PARP4: variants seen among roughly 807,000 people sequenced by gnomAD.
PARP4 encodes the protein poly(ADP-ribose) polymerase family member 4.
Under a neutral mutation model 187.7 loss-of-function variants are expected in PARP4, and 120 were observed. The ratio of observed to expected loss-of-function variants is 0.64; its 90% CI spans 0.55 to 0.74. PARP4 has a LOEUF of 0.74. PARP4 is among the 30% of genes least tolerant of loss of function. PARP4 has a pLI of 0.00. For synonymous variants in PARP4, 654 were observed against 740.9 expected (o/e 0.88, Z 1.90); for missense variants, 1,836 against 2,070.5 (o/e 0.89, Z 2.20).
intron 20 of PARP4, among the ~76,000 whole-genome samples, chr13:24,456,958 A>G (rs987817023): frequency 6.6e-6 from 1 of 152,160 alleles, no homozygotes; most frequent in African/African-American, 2.4e-5. Context: ...TGTAGGTTTT[A>G]GAAGACCATG....
rs751882755 is a variant in PARP4 at position 24,449,822 on chromosome 13, T to A, written c.3015-5A>T. The A allele has an allele frequency of 2.0e-5, 31 of 1,516,284 alleles. No homozygotes were observed. The highest frequency in any genetic ancestry group is 2.7e-5 in the Non-Finnish European group (30 of 1,095,168). 93.9% of individuals were successfully genotyped at this position (1,516,284 alleles called of 1,614,324 possible). On this transcript the variant is annotated splice_polypyrimidine_tract_variant and splice_region_variant and intron_variant, in intron 24 of 33. Transcript: ENST00000381989. ...ACGTGACGATTTGCTGTAGAACTGA[T>A]CACATTTCACATGTTTTAATTTTGA...
At chr13:24,487,547 T>A (rs1175898477) in intron 10 of PARP4, among the ~76,000 whole-genome samples, 1 of 152,076 alleles carries the variant, frequency 6.6e-6, no homozygotes, top group Non-Finnish European at 1.5e-5. Flanking sequence ...GAAGGCAGAA[T>A]TGACAGAACA....
At chr13:24,443,898 T>C (rs564713254) in intron 27 of PARP4, among the ~76,000 whole-genome samples, 168 bp from the exon 28 acceptor site, 2 of 152,336 alleles carry the variant, frequency 1.3e-5, no homozygotes, top group Admixed American at 6.5e-5. Flanking sequence ...GTGTGACCAC[T>C]GTTGAAGTGA....
At chr13:24,486,706 C>G (rs1197088560) in intron 10 of PARP4, among the ~76,000 whole-genome samples, 1 of 152,180 alleles carries the variant, frequency 6.6e-6, no homozygotes, top group Non-Finnish European at 1.5e-5. Flanking sequence ...AATCCCAGCA[C>G]TCTGGGAGGC....
intron 10 of PARP4, among the ~76,000 whole-genome samples, chr13:24,489,468 C>T (rs1293416782): frequency 6.6e-6 from 1 of 152,174 alleles, no homozygotes; most frequent in African/African-American, 2.4e-5. Flanking sequence ...ATTAGCCAGG[C>T]GTGGTGGCGT....
intron 25 of PARP4, among the ~76,000 whole-genome samples, chr13:24,447,894 G>C (rs941872927): frequency 2.0e-5 from 3 of 152,222 alleles, no homozygotes; most frequent in African/African-American, 7.2e-5. Context: ...TTCACACCCA[G>C]TGGGATGGCT....
intron 12 of PARP4, among the ~76,000 whole-genome samples, chr13:24,479,243 CTTT>C (rs908169984): frequency 2.6e-5 from 4 of 152,026 alleles, no homozygotes; most frequent in African/African-American, 7.3e-5. Flanking sequence ...GACGACCCTT[CTTT>C]GTTTCACCTA....
In PARP4 at chr13:24,475,602, C is replaced by T. The variant is rs544699127; in HGVS notation, c.1790-6G>A. On this transcript the variant is annotated splice_region_variant and splice_polypyrimidine_tract_variant and intron_variant, in intron 14 of 33. Coordinates refer to ENST00000381989, the MANE Select transcript of PARP4 (RefSeq NM_006437.4). The stretch of plus-strand genomic sequence containing the variant: ...GGCATCTGGTAACTGGTAATCTAAA[C>T]GTTAAAAATGTTACTATTAGCTTTC... 82 of 1,613,664 alleles carry T rather than the reference C, an allele frequency of 5.1e-5. No individual in the cohort carries two copies. The East Asian group carries it at 1.3e-3, about 25-fold the overall frequency.
chr13:24,430,611 A>G (rs1565986232), intron 32 of PARP4, among the ~76,000 whole-genome samples: 1 of 151,834 alleles, frequency 6.6e-6, no homozygotes, highest in Non-Finnish European at 1.5e-5. Flanking sequence ...CCGAGATAGT[A>G]CCACTGCACT....
At chr13:24,478,397 A>C in intron 12 of PARP4, 121 bp from the exon 13 acceptor site, 1 of 559,076 alleles carries the variant, frequency 1.8e-6, no homozygotes, top group Admixed American at 3.8e-5. Context: ...ATATCTCCAA[A>C]GACTCAATTT....
Position 24,446,672 on chromosome 13 carries a change from G to T in PARP4, c.3366+9C>A, listed in dbSNP as rs191809333. On this transcript the variant is annotated intron_variant, in intron 27 of 33. Coordinates refer to ENST00000381989, the MANE Select transcript of PARP4 (RefSeq NM_006437.4). ...ACAATGGGTTGATAGTTTAGGTTTT[G>T]AATCTTACAGTTCCAGTTGTCTTCT... The T allele has an allele frequency of 3.4e-4, 512 of 1,526,798 alleles. 2 individuals carry two copies. In the African/African-American group the frequency reaches 6.0e-3, roughly 18 times the overall value. The allele number at this position is 1,526,798 out of a possible 1,614,324, so 94.6% of individuals were successfully genotyped here.
At chr13:24,509,874 ATT>A (rs890435183) in intron 1 of PARP4, among the ~76,000 whole-genome samples, 24 of 151,886 alleles carry the variant, frequency 1.6e-4, no homozygotes, top group Non-Finnish European at 2.5e-4. Context: ...TAATTTTTGT[ATT>A]TTTAGTAGAG....
intron 25 of PARP4, among the ~76,000 whole-genome samples, chr13:24,448,918 A>G (rs1395746189): frequency 6.6e-6 from 1 of 152,238 alleles, no homozygotes; most frequent in African/African-American, 2.4e-5. Context: ...CAGAAAAGGC[A>G]AAGTCATAAA....
At chr13:24,465,711 C>T (rs1872427484) in intron 17 of PARP4, among the ~76,000 whole-genome samples, 2 of 151,822 alleles carry the variant, frequency 1.3e-5, no homozygotes, top group Non-Finnish European at 1.5e-5. Flanking sequence ...CAGCAAACCA[C>T]CATGGCACAC....
At chr13:24,482,111 T>G (rs1330459288) in intron 12 of PARP4, among the ~76,000 whole-genome samples, 2 of 152,210 alleles carry the variant, frequency 1.3e-5, no homozygotes. Context: ...AAAGTCACTG[T>G]AGATGTGGCA....
At chr13:24,459,524 T>C (rs1383424559) in intron 18 of PARP4, 3 of 386,056 alleles carry the variant, frequency 7.8e-6, no homozygotes, top group Non-Finnish European at 1.4e-5. Flanking sequence ...TACATATGTC[T>C]GTGTGTATAC....
intron 15 of PARP4, among the ~76,000 whole-genome samples, chr13:24,473,765 C>G (rs139272786): frequency 9.2e-5 from 14 of 152,214 alleles, no homozygotes; most frequent in African/African-American, 1.7e-4. Context: ...AGGTCACCAA[C>G]AATCTCATTG....
chr13:24,457,094 G>A (rs1314030010), intron 20 of PARP4, among the ~76,000 whole-genome samples: 2 of 152,056 alleles, frequency 1.3e-5, no homozygotes, highest in African/African-American at 4.8e-5. Flanking sequence ...TCTGGGTATA[G>A]CAGACGGCAC....
intron 23 of PARP4, among the ~76,000 whole-genome samples, 167 bp from the exon 24 acceptor site, chr13:24,452,760 T>A (rs1423045287): frequency 6.6e-6 from 1 of 152,236 alleles, no homozygotes; most frequent in Admixed American, 6.5e-5. Flanking sequence ...GTTTATTTCA[T>A]GTCACACAGT....
Sources: allele counts gnomAD v4.1 joint callset (sites outside exome capture counted in the v4.1 genomes callset), GRCh38; gene constraint gnomAD v4.1.1; transcripts MANE v1.5; gene names NCBI Gene and HGNC (gene_info 2026-07-23, HGNC 2026-07-21).